The following MAP2 variants were observed in gnomAD, a reference collection of about 807,000 sequenced individuals.
The protein encoded by MAP2 is microtubule associated protein 2, also known as microtubule-associated protein 2.
In MAP2, 14 loss-of-function variants were observed where a neutral mutation model predicts 137.6. The ratio of observed to expected loss-of-function variants is 0.10; its 90% CI spans 0.07 to 0.16. The LOEUF (loss-of-function observed/expected upper bound fraction) is 0.16, where lower values mean the gene tolerates loss of function less well. Among genes scored for constraint, MAP2 ranks in the 10% least tolerant of loss-of-function variants. MAP2 has a pLI of 1.00. For synonymous variants in MAP2, 786 were observed against 782.3 expected (o/e 1.00, Z -0.08); for missense variants, 2,088 against 2,191.5 (o/e 0.95, Z 0.94).
chr2:209,484,249 C>T (rs763435943), intron 1 of MAP2, among the ~76,000 whole-genome samples: 36 of 152,212 alleles, frequency 2.4e-4, no homozygotes, highest in Non-Finnish European at 4.6e-4. Context: ...TGACTTTTTA[C>T]AGCACTGAAC....
At chr2:209,532,940 C>T (rs943130520) in intron 2 of MAP2, among the ~76,000 whole-genome samples, 4 of 152,070 alleles carry the variant, frequency 2.6e-5, no homozygotes, top group Non-Finnish European at 5.9e-5. Context: ...GGGATTTGCC[C>T]ACTCCTCCCT....
At chr2:209,609,007 A>G (rs1210582407) in intron 3 of MAP2, among the ~76,000 whole-genome samples, 2 of 152,120 alleles carry the variant, frequency 1.3e-5, no homozygotes, top group Non-Finnish European at 2.9e-5. Context: ...AGTCCCTGAC[A>G]CATACTTTTT....
intron 1 of MAP2, among the ~76,000 whole-genome samples, chr2:209,499,650 AAC>A: frequency 6.6e-6 from 1 of 152,302 alleles, no homozygotes; most frequent in South Asian, 2.1e-4. Context: ...CCATACAGGA[AAC>A]ACAGTGCCGG....
intron 1 of MAP2, among the ~76,000 whole-genome samples, chr2:209,464,066 T>C (rs1465575003): frequency 2.0e-5 from 3 of 152,120 alleles, no homozygotes; most frequent in Non-Finnish European, 2.9e-5. Flanking sequence ...CTGGGGAAAA[T>C]TAGCTGTATT....
At chr2:209,565,498 G>T (rs2073194387) in intron 2 of MAP2, among the ~76,000 whole-genome samples, 1 of 152,040 alleles carries the variant, frequency 6.6e-6, no homozygotes, top group Non-Finnish European at 1.5e-5. Context: ...GGGATAATAG[G>T]CATTAGCCAC....
Position 209,709,907 on chromosome 2 carries a change from A to C in MAP2, c.4733-7A>C. ...TGGTTTGGTTTTGGTCTTGCTTGTTAATACAGGGTCAGAGCCAATTCGCAG... is the reference window on the plus strand; with the variant it reads ...TGGTTTGGTTTTGGTCTTGCTTGTTCATACAGGGTCAGAGCCAATTCGCAG... On this transcript the variant is annotated splice_polypyrimidine_tract_variant and splice_region_variant and intron_variant, in intron 12 of 15. Coordinates refer to ENST00000682079, the MANE Select transcript of MAP2 (RefSeq NM_001375505.1). 1 of 1,605,366 alleles carries C rather than the reference A, an allele frequency of 6.2e-7. No homozygotes were observed. Among genetic ancestry groups the C allele is most frequent in the Non-Finnish European group, 8.5e-7 (1 of 1,174,460 alleles).
intron 1 of MAP2, among the ~76,000 whole-genome samples, chr2:209,499,558 G>A (rs1397954649): frequency 6.6e-6 from 1 of 152,096 alleles, no homozygotes; most frequent in Non-Finnish European, 1.5e-5. Context: ...GTATTAGGCT[G>A]TTCTTACATT....
At position 209,701,424 on chromosome 2, in the gene MAP2, C is replaced by G. The variant is rs570139607; in HGVS notation, c.4584+1086C>G. On this transcript the variant is annotated intron_variant, in intron 11 of 15. Transcript: ENST00000682079. Reference sequence around the variant, plus strand: ...AAAGCCAACATGAAGTATTTTCACTCCTTTATGATTGAAAGAAAAAAATTA... The same window carrying G: ...AAAGCCAACATGAAGTATTTTCACTGCTTTATGATTGAAAGAAAAAAATTA... 6.6e-5 allele frequency among the ~76,000 whole-genome samples: 10 copies of G among 151,654 alleles called. No homozygotes were observed. The South Asian group carries it at 2.1e-3, about 32-fold the overall frequency.
chr2:209,639,889 G>A (rs2153573544), intron 4 of MAP2, among the ~76,000 whole-genome samples: 1 of 152,064 alleles, frequency 6.6e-6, no homozygotes, highest in East Asian at 1.9e-4. Flanking sequence ...TCCTCCAGGA[G>A]CTCACAGCCT....
chr2:209,642,077 G>A (rs995958254), intron 4 of MAP2, among the ~76,000 whole-genome samples: 21 of 152,122 alleles, frequency 1.4e-4, no homozygotes, highest in African/African-American at 5.1e-4. Context: ...TTAAATAATT[G>A]TATCTATTCT....
chr2:209,693,453 C>G lies in MAP2; in HGVS notation c.1283C>G (p.Pro428Arg). ...ETVQQRDTFT[P>R]SGQEPILTEK... is the part of the protein sequence containing the mutation. ...GTGCAGCAAAGGGATACTTTCACCC[C>G]CAGTGGACAGGAACCTATACTTACT... is the stretch of plus-strand genomic sequence containing the variant. Residue 428 changes from proline to arginine, a missense_variant, in exon 8 of 16, where the codon CCC (proline) becomes CGC (arginine). Physicochemically the swap from Pro to Arg is moderately radical, Grantham distance 103. Transcript: ENST00000682079. 6.2e-7 allele frequency: 1 copy of G among 1,613,970 alleles called. No homozygotes were observed. Among genetic ancestry groups the G allele is most frequent in the Non-Finnish European group, 8.5e-7 (1 of 1,180,000 alleles).
chr2:209,696,608 A>G lies in MAP2; in HGVS notation c.4247A>G (p.Glu1416Gly), dbSNP rs779517499. The G allele has an allele frequency of 4.3e-6, 7 of 1,613,810 alleles. No homozygotes were observed. The highest frequency in any genetic ancestry group is 3.3e-5 in the Admixed American group (2 of 59,988). Residue 1416 changes from glutamate (E) to glycine (G), a missense_variant, in exon 9 of 16, where the codon GAA becomes GGA. Physicochemically the swap from Glu to Gly is moderately conservative, Grantham distance 98. Coordinates refer to ENST00000682079, the MANE Select transcript of MAP2 (RefSeq NM_001375505.1). ...TIPKEEKAEK[E>G]ARRSSLEKHR... ...CCTAAAGAGGAGAAAGCTGAAAAGGAAGCTCGGAGATCATCTCTTGAGAAA... is the reference window on the plus strand; with the variant it reads ...CCTAAAGAGGAGAAAGCTGAAAAGGGAGCTCGGAGATCATCTCTTGAGAAA...
intron 10 of MAP2, 62 bp downstream of exon 10, chr2:209,697,113 C>G: frequency 6.9e-7 from 1 of 1,456,776 alleles, no homozygotes; most frequent in East Asian, 2.4e-5. Context: ...TTTTAAATCT[C>G]ATTACTGTAG....
At chr2:209,616,510 C>CA (rs1338115275) in intron 3 of MAP2, among the ~76,000 whole-genome samples, 2 of 152,152 alleles carry the variant, frequency 1.3e-5, no homozygotes, top group African/African-American at 4.8e-5. Flanking sequence ...ATCAGGGAAG[C>CA]ATTAAGCAGG....
At chr2:209,561,176 A>G (rs1466909931) in intron 2 of MAP2, among the ~76,000 whole-genome samples, 3 of 152,204 alleles carry the variant, frequency 2.0e-5, no homozygotes, top group Non-Finnish European at 4.4e-5. Context: ...GAACAAAGAC[A>G]TGTATTGTAT....
At chr2:209,606,372 A>G (rs1418834044) in intron 3 of MAP2, among the ~76,000 whole-genome samples, 1 of 152,164 alleles carries the variant, frequency 6.6e-6, no homozygotes, top group Non-Finnish European at 1.5e-5. Context: ...GTGAAGAAAG[A>G]ATAGAGAAAG....
intron 3 of MAP2, among the ~76,000 whole-genome samples, chr2:209,590,578 G>A (rs750324861): frequency 1.1e-4 from 16 of 152,124 alleles, no homozygotes; most frequent in South Asian, 2.1e-4. Context: ...CAGGTGATCC[G>A]TCCACCTTGG....
At position 209,508,988 on chromosome 2, in the gene MAP2, A is replaced by G. The variant is rs1243317574; in HGVS notation, c.-172+1347A>G. Among the ~76,000 whole-genome samples the G allele has an allele frequency of 2.0e-5, 3 of 152,126 alleles. No individual in the cohort carries two copies. The East Asian group carries it at 5.8e-4, about 29-fold the overall frequency. ...CTACAAAACCAAAATTACAAGTAGA[A>G]TGAGATTTTTGTAAAGTATACATCA... On this transcript the variant is annotated intron_variant, in intron 2 of 15. Coordinates refer to ENST00000682079, the MANE Select transcript of MAP2 (RefSeq NM_001375505.1).
At chr2:209,527,974 A>AT (rs2064336139) in intron 2 of MAP2, among the ~76,000 whole-genome samples, 1 of 152,152 alleles carries the variant, frequency 6.6e-6, no homozygotes, top group African/African-American at 2.4e-5. Context: ...ATCCAAAAAG[A>AT]TTCATATTAT....
Sources: allele counts gnomAD v4.1 joint callset (sites outside exome capture counted in the v4.1 genomes callset), GRCh38; gene constraint gnomAD v4.1.1; transcripts MANE v1.5; gene names NCBI Gene and HGNC (gene_info 2026-07-23, HGNC 2026-07-21).